Variants in ADGRL2 observed in about 807,000 individuals in gnomAD.
The protein encoded by ADGRL2 is calcium-independent alpha-latrotoxin receptor 2.
ADGRL2 carries 44 observed loss-of-function variants against 157.4 expected under a neutral mutation model. That is an observed-to-expected ratio of 0.28 (90% confidence interval 0.22 to 0.36). The LOEUF is 0.36. Among genes scored for constraint, ADGRL2 ranks in the 10% least tolerant of loss-of-function variants. The probability of loss-of-function intolerance (pLI) is 1.00; values close to 1 mark genes in which losing one functional copy is unlikely to be tolerated. For synonymous variants in ADGRL2, 585 were observed against 624.7 expected (o/e 0.94, Z 0.95); for missense variants, 1,510 against 1,768.9 (o/e 0.85, Z 2.63).
intron 2 of ADGRL2, among the ~76,000 whole-genome samples, chr1:81,506,668 C>A (rs990284768): frequency 6.6e-6 from 1 of 151,964 alleles, no homozygotes; most frequent in South Asian, 2.1e-4. Flanking sequence ...TGTGATGGCA[C>A]CACTGCACTC....
intron 3 of ADGRL2, among the ~76,000 whole-genome samples, chr1:81,626,936 A>G (rs2081922868): frequency 6.6e-6 from 1 of 152,142 alleles, no homozygotes. Flanking sequence ...GGTGGAGGGT[A>G]GGTGGGGACA....
intron 2 of ADGRL2, among the ~76,000 whole-genome samples, chr1:81,769,982 GCCT>G (rs1339157795): frequency 6.6e-6 from 1 of 151,662 alleles, no homozygotes; most frequent in Admixed American, 6.6e-5. Flanking sequence ...TCCTGCCTCA[GCCT>G]CCCAAGTAGC....
intron 1 of ADGRL2, among the ~76,000 whole-genome samples, chr1:81,380,987 C>G (rs555571829): frequency 2.6e-5 from 4 of 152,010 alleles, no homozygotes; most frequent in Admixed American, 2.6e-4. Flanking sequence ...ATGTTTTGTT[C>G]TCAAACATCT....
chr1:81,775,675 C>A (rs1211090150), intron 2 of ADGRL2, among the ~76,000 whole-genome samples: 1 of 151,990 alleles, frequency 6.6e-6, no homozygotes, highest in East Asian at 1.9e-4. Flanking sequence ...CCAAATGACA[C>A]TTCCTGGAGG....
chr1:81,389,162 T>C (rs2101103836), intron 1 of ADGRL2, among the ~76,000 whole-genome samples: 1 of 152,270 alleles, frequency 6.6e-6, no homozygotes, highest in Admixed American at 6.5e-5. Context: ...GTATTTTTAG[T>C]TGTTTTCAGC....
intron 1 of ADGRL2, among the ~76,000 whole-genome samples, chr1:81,323,620 A>G (rs1660688623): frequency 2.0e-5 from 3 of 152,118 alleles, no homozygotes; most frequent in Non-Finnish European, 4.4e-5. Flanking sequence ...GACTTTAAAT[A>G]ATCACACAAA....
chr1:81,943,705 C>A lies in ADGRL2; in HGVS notation c.1146C>A (p.Tyr382Ter). 6.2e-7 allele frequency: 1 copy of A among 1,613,546 alleles called. No homozygotes were observed. The highest frequency in any genetic ancestry group is 8.5e-7 in the Non-Finnish European group (1 of 1,179,582). ...ACAATCCAAGAGATAACCAACTTTACGTGTGGAACAATAACTTCATTTTAC... is the reference window on the plus strand; with the variant it reads ...ACAATCCAAGAGATAACCAACTTTAAGTGTGGAACAATAACTTCATTTTAC... The part of the protein sequence containing the change: ...VDYNPRDNQL[Y>*]VWNNNFILRY... The change falls in exon 6 of 24, where the codon TAC (tyrosine) becomes TAA (stop). Residue 382 changes from tyrosine to a stop codon, truncating the protein, a stop_gained. Transcript: ENST00000686636. LOFTEE classifies it high-confidence loss of function. This position sits in a 1 kb window ranked among gnomAD's most constrained non-coding sequence, Gnocchi z 5.6.
At chr1:81,651,608 T>C (rs762583340) in intron 3 of ADGRL2, among the ~76,000 whole-genome samples, 1 of 152,192 alleles carries the variant, frequency 6.6e-6, no homozygotes, top group Non-Finnish European at 1.5e-5. Flanking sequence ...GTTTCACCAC[T>C]CTTAAACTCA....
intron 2 of ADGRL2, among the ~76,000 whole-genome samples, chr1:81,465,180 C>A (rs2078027161): frequency 6.6e-6 from 1 of 151,778 alleles, no homozygotes; most frequent in Non-Finnish European, 1.5e-5. Context: ...CCTATAGTTA[C>A]AAATATTTTA....
chr1:81,472,649 AGGAAAG>A (rs967933415), intron 2 of ADGRL2, among the ~76,000 whole-genome samples: 15 of 148,724 alleles, frequency 1.0e-4, no homozygotes, highest in Non-Finnish European at 1.9e-4. Context: ...AGGAAAGGAA[AGGAAAG>A]GGAAAGGGAA....
intron 2 of ADGRL2, among the ~76,000 whole-genome samples, chr1:81,564,782 C>G (rs1327764783): frequency 6.6e-6 from 1 of 152,152 alleles, no homozygotes; most frequent in Non-Finnish European, 1.5e-5. Context: ...CTGCCCACCA[C>G]AGTCAAGAAA....
Position 81,856,605 on chromosome 1 carries a change from A to C in ADGRL2, c.73+19548A>C, listed in dbSNP as rs142326903. Among the ~76,000 whole-genome samples the C allele has an allele frequency of 2.6e-5, 4 of 152,296 alleles. No homozygotes were observed. In the East Asian group the frequency reaches 7.7e-4, roughly 29 times the overall value. Reference sequence around the variant, plus strand: ...CAGCAGAAATGGTGATTTATTAAATATATCTAGGCCTGGTGAGTGATGAAT... The same window carrying C: ...CAGCAGAAATGGTGATTTATTAAATCTATCTAGGCCTGGTGAGTGATGAAT... On this transcript the variant is annotated intron_variant, in intron 2 of 23. Transcript: ENST00000686636.
intron 3 of ADGRL2, among the ~76,000 whole-genome samples, chr1:81,689,784 C>A (rs2083296740): frequency 6.6e-6 from 1 of 152,196 alleles, no homozygotes; most frequent in African/African-American, 2.4e-5. Context: ...GCGTTTGAGA[C>A]TGAGGCTAAG....
At chr1:81,609,187 G>A (rs1324459875) in intron 3 of ADGRL2, among the ~76,000 whole-genome samples, 2 of 151,828 alleles carry the variant, frequency 1.3e-5, no homozygotes, top group Non-Finnish European at 2.9e-5. Context: ...TTACAGCTGC[G>A]TGCCACCACA....
intron 2 of ADGRL2, among the ~76,000 whole-genome samples, chr1:81,901,579 T>G: frequency 6.6e-6 from 1 of 151,250 alleles, no homozygotes; most frequent in East Asian, 1.9e-4. Flanking sequence ...CATATATATA[T>G]ATATTTTTTT....
intron 2 of ADGRL2, among the ~76,000 whole-genome samples, chr1:81,868,790 G>T (rs184096872): frequency 2.1e-4 from 30 of 146,266 alleles, no homozygotes; most frequent in African/African-American, 4.1e-4. Flanking sequence ...CATCTTTTTT[G>T]GGGGGAAAGG....
intron 6 of ADGRL2, among the ~76,000 whole-genome samples, chr1:81,945,344 G>A (rs1401718459): frequency 6.6e-6 from 1 of 151,812 alleles, no homozygotes; most frequent in Non-Finnish European, 1.5e-5. Context: ...TAACCTTTTT[G>A]TAGCCTGTAT....
intron 2 of ADGRL2, among the ~76,000 whole-genome samples, chr1:81,856,202 C>T (rs2093196068): frequency 6.6e-6 from 1 of 151,958 alleles, no homozygotes; most frequent in Admixed American, 6.6e-5. Flanking sequence ...CCTGCTTCTG[C>T]CTAATAGCAA....
intron 1 of ADGRL2, among the ~76,000 whole-genome samples, chr1:81,823,981 A>G (rs2091237578): frequency 6.6e-6 from 1 of 152,220 alleles, no homozygotes; most frequent in Non-Finnish European, 1.5e-5. Context: ...TTGTTAATAT[A>G]TTTGATGTGT....
Sources: allele counts gnomAD v4.1 joint callset (sites outside exome capture counted in the v4.1 genomes callset), GRCh38; gene constraint gnomAD v4.1.1; non-coding constraint Gnocchi (gnomAD v3.1); transcripts MANE v1.5; gene names NCBI Gene and HGNC (gene_info 2026-07-23, HGNC 2026-07-21).